Variants in TLK2 observed in about 807,000 individuals in gnomAD.
TLK2 encodes tousled like kinase 2.
TLK2 carries 6 observed loss-of-function variants against 117.3 expected under a neutral mutation model. The observed-to-expected ratio is 0.05, with a 90% CI of 0.03 to 0.10. TLK2 has a LOEUF of 0.10. TLK2 is among the 10% of genes least tolerant of loss of function. The pLI is 1.00. For missense variants in TLK2, 299 were observed against 901.2 expected (o/e 0.33, Z 8.56); for synonymous variants, 257 against 316.7 (o/e 0.81, Z 2.00).
chr17:62,572,266 A>G (rs756466020), intron 11 of TLK2, among the ~76,000 whole-genome samples: 19 of 152,092 alleles, frequency 1.2e-4, no homozygotes, highest in Non-Finnish European at 2.8e-4. Context: ...GTAGAGGAAG[A>G]AGGAGAAGGG....
intron 2 of TLK2, among the ~76,000 whole-genome samples, chr17:62,486,281 C>T (rs912159865): frequency 6.6e-6 from 1 of 152,108 alleles, no homozygotes; most frequent in African/African-American, 2.4e-5. Flanking sequence ...CTCAGCCTCC[C>T]CAAGTAGCTA....
At chr17:62,546,282 C>T (rs2077906187) in intron 7 of TLK2, among the ~76,000 whole-genome samples, 1 of 149,542 alleles carries the variant, frequency 6.7e-6, no homozygotes, top group Non-Finnish European at 1.5e-5. Flanking sequence ...CAAAGTACTG[C>T]GATTATAGGC....
chr17:62,524,107 T>C (rs1006579784), intron 5 of TLK2, 129 bp from the exon 6 acceptor site: 40 of 555,822 alleles, frequency 7.2e-5, no homozygotes, highest in African/African-American at 6.2e-4. Flanking sequence ...ATTTTCTCTC[T>C]AGAGTAAGAT....
chr17:62,471,888 CTTTTTTTTTTTTTT>C (rs869092720), intron 1 of TLK2, among the ~76,000 whole-genome samples: 5 of 37,776 alleles, frequency 1.3e-4, no homozygotes, highest in Non-Finnish European at 1.7e-4. Flanking sequence ...GTAGTATAGT[CTTTTTTTTTTTTTT>C]TTTTTTTTTT....
intron 15 of TLK2, among the ~76,000 whole-genome samples, chr17:62,582,582 C>T (rs1444177700): frequency 6.6e-6 from 1 of 152,046 alleles, no homozygotes; most frequent in African/African-American, 2.4e-5. Context: ...CTGCTTTCTT[C>T]ATTTTTATTT....
chr17:62,561,855 A>G (rs2079305226), intron 10 of TLK2, among the ~76,000 whole-genome samples: 1 of 152,238 alleles, frequency 6.6e-6, no homozygotes, highest in South Asian at 2.1e-4. Flanking sequence ...AGATTCAGCC[A>G]GTTGTTCTAA....
intron 16 of TLK2, among the ~76,000 whole-genome samples, chr17:62,590,477 A>T (rs1261149402): frequency 6.6e-6 from 1 of 152,192 alleles, no homozygotes; most frequent in African/African-American, 2.4e-5. Context: ...ATTTTATCAA[A>T]TGCAATATTA....
intron 2 of TLK2, chr17:62,516,392 C>T: frequency 6.3e-7 from 1 of 1,586,296 alleles, no homozygotes; most frequent in South Asian, 1.1e-5. Context: ...GACCCAGCCC[C>T]AGCCTCGGCT....
At chr17:62,546,252 A>G (rs2077902555) in intron 7 of TLK2, among the ~76,000 whole-genome samples, 3 of 151,182 alleles carry the variant, frequency 2.0e-5, no homozygotes, top group East Asian at 3.9e-4. Flanking sequence ...AGCTCAAGCT[A>G]TCAGCTCGCT....
At chr17:62,478,754 C>CG (rs1324099572), upstream of TLK2, among the ~76,000 whole-genome samples, 1 of 14,802 alleles carries the variant, frequency 6.8e-5, no homozygotes, top group Admixed American at 1.2e-3. Context: ...CCCCCCAGGA[C>CG]CCCCCCCGCC....
rs71375853 is a variant in TLK2 at position 62,482,453 on chromosome 17, G to T, written c.81+1247G>T. ...AGCCGGGATAGCTTGATAGGGTTTT[G>T]TTTTTTTTTTTTTTGAGTCAGAGCC... On this transcript the variant is annotated intron_variant, in intron 2 of 21. Coordinates refer to ENST00000346027, the MANE Select transcript of TLK2 (RefSeq NM_006852.6). Among the ~76,000 whole-genome samples, 853 of 139,612 alleles carry T rather than the reference G, an allele frequency of 6.1e-3. 7 individuals are homozygous for T. Among genetic ancestry groups the T allele is most frequent in the African/African-American group, 0.016 (604 of 37,844 alleles). 91.6% of individuals were successfully genotyped at this position (139,612 alleles called of 152,430 possible).
At chr17:62,598,025 A>T (rs940730386) in intron 17 of TLK2, among the ~76,000 whole-genome samples, 2 of 152,200 alleles carry the variant, frequency 1.3e-5, no homozygotes, top group Non-Finnish European at 2.9e-5. Context: ...TTTAGAAATA[A>T]CCCCAAAGAG....
At chr17:62,602,241 G>A (rs1050864286) in intron 19 of TLK2, 61 bp downstream of exon 19, 26 of 1,536,316 alleles carry the variant, frequency 1.7e-5, no homozygotes, top group Non-Finnish European at 2.0e-5. Flanking sequence ...ATGCTGAAGT[G>A]TTGATAATGA....
At chr17:62,523,451 A>C (rs1158489933) in intron 5 of TLK2, among the ~76,000 whole-genome samples, 1 of 152,204 alleles carries the variant, frequency 6.6e-6, no homozygotes, top group Non-Finnish European at 1.5e-5. Context: ...GTGGTGGCAC[A>C]CACTTATAGT....
intron 19 of TLK2, among the ~76,000 whole-genome samples, chr17:62,603,425 CTAAG>C (rs1395800256): frequency 3.3e-5 from 5 of 152,114 alleles, no homozygotes; most frequent in African/African-American, 1.2e-4. Context: ...GTTCCTGTCA[CTAAG>C]TGATACAAAA....
intron 2 of TLK2, among the ~76,000 whole-genome samples, chr17:62,507,157 C>T (rs1278777776): frequency 6.6e-6 from 1 of 151,972 alleles, no homozygotes; most frequent in Non-Finnish European, 1.5e-5. Context: ...ATCTGTAATC[C>T]TAGCACTTAG....
At chr17:62,574,478 T>A in intron 12 of TLK2, 1 of 790,546 alleles carries the variant, frequency 1.3e-6, no homozygotes, top group Non-Finnish European at 2.1e-6. Flanking sequence ...CATAATGAAC[T>A]TGGAAAACAT....
intron 2 of TLK2, among the ~76,000 whole-genome samples, chr17:62,481,851 T>C (rs2071689117): frequency 6.6e-6 from 1 of 152,242 alleles, no homozygotes; most frequent in Admixed American, 6.5e-5. Flanking sequence ...TTGATTTTAA[T>C]ACAGTATGCA....
chr17:62,500,207 C>T (rs2074074816), intron 2 of TLK2, among the ~76,000 whole-genome samples: 1 of 151,742 alleles, frequency 6.6e-6, no homozygotes, highest in Non-Finnish European at 1.5e-5. Context: ...GTAGGGAAGA[C>T]TACAAGTGTG....
Sources: allele counts gnomAD v4.1 joint callset (sites outside exome capture counted in the v4.1 genomes callset), GRCh38; gene constraint gnomAD v4.1.1; transcripts MANE v1.5; gene names NCBI Gene and HGNC (gene_info 2026-07-23, HGNC 2026-07-21).